The following CYFIP1 variants were observed in gnomAD, a reference collection of about 807,000 sequenced individuals.
The protein encoded by CYFIP1 is cytoplasmic FMR1-interacting protein 1.
In CYFIP1, 58 loss-of-function variants were observed where a neutral mutation model predicts 163.5. The ratio of observed to expected loss-of-function variants is 0.35; its 90% confidence interval spans 0.29 to 0.44. The LOEUF is 0.44. CYFIP1 is among the 20% of genes least tolerant of loss of function. CYFIP1 has a pLI of 1.00. For missense variants in CYFIP1, 1,338 were observed against 1,653.8 expected (o/e 0.81, Z 3.31); for synonymous variants, 663 against 660.7 (o/e 1.00, Z -0.05).
intron 10 of CYFIP1, among the ~76,000 whole-genome samples, 193 bp downstream of exon 10, chr15:22,933,609 C>G (rs1288614092): frequency 1.3e-5 from 2 of 152,156 alleles, no homozygotes; most frequent in Non-Finnish European, 2.9e-5. Context: ...CCACCGCGCC[C>G]GGCCTCAATT....
Position 22,917,689 on chromosome 15 carries a change from GGAC to G in CYFIP1, c.1674+96_1674+98del. ...CTTTCTCTGCCTGAGCAGGCAGCGA[GGAC>G]CTCATTTAACCCGGGCCTCACCAGC... On this transcript the variant is annotated intron_variant, in intron 15 of 30. Transcript: ENST00000617928. The surrounding 1 kb of genome is among the most constrained non-coding windows in gnomAD (Gnocchi z 4.2). 1 of 1,373,472 alleles carries G rather than the reference GGAC, an allele frequency of 7.3e-7. No homozygotes were observed. The highest frequency in any genetic ancestry group is 2.7e-5 in the East Asian group (1 of 37,670). The allele number at this position is 1,373,472 out of a possible 1,614,324, so 85.1% of individuals were successfully genotyped here.
intron 23 of CYFIP1, among the ~76,000 whole-genome samples, chr15:22,884,059 C>T (rs1031750537): frequency 9.9e-5 from 15 of 152,130 alleles, no homozygotes; most frequent in African/African-American, 3.4e-4. Context: ...AACCAGTCAA[C>T]TCCCACCAGC....
rs377238316 is a variant in CYFIP1 at position 22,882,370 on chromosome 15, C to A, written c.2821-434G>T. ...GCTGCCACATGTTTTGGGACAGAGT[C>A]CCCAGCGGGTCCTGGAAGGACCTGT... On this transcript the variant is annotated intron_variant, in intron 24 of 30. Coordinates refer to ENST00000617928, the MANE Select transcript of CYFIP1 (RefSeq NM_014608.6). Among the ~76,000 whole-genome samples, 8 of 152,356 alleles carry A rather than the reference C, an allele frequency of 5.3e-5. No homozygotes were observed. In the East Asian group the frequency reaches 1.5e-3, roughly 29 times the overall value.
Position 22,905,878 on chromosome 15 carries a change from G to A in CYFIP1, c.2389-1973C>T, listed in dbSNP as rs751399951. 4.7e-4 allele frequency among the ~76,000 whole-genome samples: 71 copies of A among 151,596 alleles called. 1 individual carries two copies. Among genetic ancestry groups the A allele is most frequent in the Admixed American group, 4.2e-3 (64 of 15,212 alleles). ...GGGTTCCTGCCATTCTCCTGCCTCA[G>A]CCTCCCGAGTAAGCTGGGACTACAG... On this transcript the variant is annotated intron_variant, in intron 21 of 30. Coordinates refer to ENST00000617928, the MANE Select transcript of CYFIP1 (RefSeq NM_014608.6).
rs751205085 is a variant in CYFIP1, at chr15:22,978,223, G to A, written c.-7+2064C>T. Among the ~76,000 whole-genome samples, 10 of 151,536 alleles carry A rather than the reference G, an allele frequency of 6.6e-5. No homozygotes were observed. In the East Asian group the frequency reaches 1.4e-3, roughly 21 times the overall value. The stretch of plus-strand genomic sequence containing the variant: ...AAAAATTAGCCGGGTGTGGTGGTGC[G>A]TGCCTGTAATCCCAGCTACTCAGGG... On this transcript the variant is annotated intron_variant, in intron 1 of 30. Transcript: ENST00000617928.
rs184217537 is a variant in CYFIP1 at position 22,931,973 on chromosome 15, A to T, written c.1110+250T>A. ...TCCATAGGTGTGTGGCCTAGGAGCC[A>T]TCCGCTGTACCCTGCAGCCTAGCTG... On this transcript the variant is annotated intron_variant, in intron 11 of 30. Coordinates refer to ENST00000617928, the MANE Select transcript of CYFIP1 (RefSeq NM_014608.6). Among the ~76,000 whole-genome samples the T allele has an allele frequency of 4.0e-3, 614 of 152,296 alleles. 4 individuals are homozygous for T. Among genetic ancestry groups the T allele is most frequent in the African/African-American group, 0.014 (571 of 41,572 alleles).
rs1322912922 is a variant in CYFIP1 at position 22,870,114 on chromosome 15, G to C, written c.3676C>G (p.Leu1226Val). Residue 1226 changes from leucine to valine, a missense_variant, in exon 31 of 31, where the codon CTG (leucine) becomes GTG (valine). By Grantham distance (32) the Leu-to-Val change is conservative. This residue lies in a region of CYFIP1 where 306 missense variants were observed against 322.1 expected (regional missense o/e 0.95). Transcript: ENST00000617928. The stretch of plus-strand genomic sequence containing the variant: ...GTGCCCTCCCCGTCGCCTGACTTCA[G>C]GTACTTATCCAGGATGGTGATGATC... ...DEIITILDKYLKSGDGEGTPV... is the reference protein window; with the variant it reads ...DEIITILDKYVKSGDGEGTPV... 7 of 1,612,974 alleles carry C rather than the reference G, an allele frequency of 4.3e-6. No individual in the cohort carries two copies. Among genetic ancestry groups the C allele is most frequent in the Middle Eastern group, 1.6e-4 (1 of 6,082 alleles).
Position 22,939,040 on chromosome 15 carries a change from G to T in CYFIP1, c.795+152C>A. 4.6e-6 allele frequency: 4 copies of T among 877,822 alleles called. No homozygotes were observed. In the South Asian group the frequency reaches 6.6e-5, roughly 14 times the overall value. The allele number at this position is 877,822 out of a possible 1,614,324, so 54.4% of individuals were successfully genotyped here. On this transcript the variant is annotated intron_variant, in intron 8 of 30. Coordinates refer to ENST00000617928, the MANE Select transcript of CYFIP1 (RefSeq NM_014608.6). ...ATGGGGTGTGTTGAGAGCCTGTTGT[G>T]CAGGCTGTGTGCAAGGGCAGGACGC...
rs945175812 is a variant in CYFIP1, at chr15:22,873,684, G to A, written c.3256C>T (p.Leu1086Phe). The change falls in exon 29 of 31, where the codon CTC becomes TTC. Residue 1086 changes from leucine (L) to phenylalanine (F), a missense_variant. This residue lies in a region of CYFIP1 where 306 missense variants were observed against 322.1 expected (regional missense o/e 0.95). Coordinates refer to ENST00000617928, the MANE Select transcript of CYFIP1 (RefSeq NM_014608.6). ...TCAAACATGGACAGGCCGCAGCAGA[G>A]GCGCTCCTTTGTCAGCAGGTCCCCC... ...REGDLLTKER[L>F]CCGLSMFEVI... The A allele has an allele frequency of 1.2e-6, 2 of 1,613,996 alleles. No individual in the cohort carries two copies. Among genetic ancestry groups the A allele is most frequent in the African/African-American group, 2.7e-5 (2 of 74,944 alleles).
rs2060200898 is a variant in CYFIP1, at chr15:22,895,080, T to A, written c.2589-2103A>T. 2.0e-5 allele frequency among the ~76,000 whole-genome samples: 3 copies of A among 151,266 alleles called. 1 individual carries two copies. In the South Asian group the frequency reaches 6.3e-4, roughly 32 times the overall value. On this transcript the variant is annotated intron_variant, in intron 22 of 30. Transcript: ENST00000617928. ...CCCAGGCTGGAGTGCAGTGGCGTGA[T>A]CTTGGCTCACTGTAAGCTCCGCCTC...
chr15:22,939,541 A>G, intron 6 of CYFIP1, 34 bp from the exon 7 acceptor site: 1 of 936,732 alleles, frequency 1.1e-6, no homozygotes, highest in Admixed American at 2.3e-5. Context: ...CCCAAAATGC[A>G]CCAACGTGCC....
At chr15:22,873,111 G>A in intron 29 of CYFIP1, 139 bp from the exon 30 acceptor site, 1 of 932,968 alleles carries the variant, frequency 1.1e-6, no homozygotes, top group Non-Finnish European at 1.5e-6. Flanking sequence ...CAGCCAGGAA[G>A]AGAATGCCGG....
At chr15:22,972,629 G>A (rs1278448881) in intron 1 of CYFIP1, among the ~76,000 whole-genome samples, 3 of 152,080 alleles carry the variant, frequency 2.0e-5, no homozygotes, top group Non-Finnish European at 4.4e-5. Context: ...TTCAATAAAC[G>A]GTGTTGAGAA....
At position 22,916,677 on chromosome 15, in the gene CYFIP1, A is replaced by T. The variant is rs372419703; in HGVS notation, c.1675-47T>A. ...TTGTGGGGGAGAAAATATACATGGT[A>T]CATTAGTTATGCCAAACTCAAAAAG... On this transcript the variant is annotated intron_variant, in intron 15 of 30. Coordinates refer to ENST00000617928, the MANE Select transcript of CYFIP1 (RefSeq NM_014608.6). The T allele has an allele frequency of 3.8e-5, 61 of 1,614,154 alleles. No homozygotes were observed. In the African/African-American group the frequency reaches 7.7e-4, roughly 20 times the overall value.
chr15:22,909,630 G>A (rs1297277487), intron 20 of CYFIP1, among the ~76,000 whole-genome samples: 5 of 152,148 alleles, frequency 3.3e-5, no homozygotes. Context: ...GATTATTCGT[G>A]TATAGAGAGT....
chr15:22,878,174 G>A (rs1276485301), intron 26 of CYFIP1, among the ~76,000 whole-genome samples: 1 of 152,214 alleles, frequency 6.6e-6, no homozygotes, highest in African/African-American at 2.4e-5. Context: ...AATACGCTTC[G>A]CCAGGGTATG....
intron 22 of CYFIP1, among the ~76,000 whole-genome samples, chr15:22,893,435 TA>T (rs1595533072): frequency 6.6e-6 from 1 of 152,208 alleles, no homozygotes; most frequent in African/African-American, 2.4e-5. Context: ...GATAATGGAT[TA>T]GGGGACACTT....
Position 22,927,901 on chromosome 15 carries a change from C to G in CYFIP1, c.1233+5G>C, listed in dbSNP as rs2061408419. 1 of 1,600,690 alleles carries G rather than the reference C, an allele frequency of 6.2e-7. No homozygotes were observed. On this transcript the variant is annotated splice_donor_5th_base_variant and intron_variant, in intron 12 of 30. Transcript: ENST00000617928. ...AGCGGGGCTGGGGTCGGGGACGGGG[C>G]CTACCACTTCCATCACGTGCGCGCT...
chr15:22,933,689 CA>C, intron 10 of CYFIP1, 112 bp downstream of exon 10: 1 of 739,870 alleles, frequency 1.4e-6, no homozygotes, highest in Non-Finnish European at 2.3e-6. Flanking sequence ...CATTTAATTC[CA>C]GGCTGAGAAT....
Sources: allele counts gnomAD v4.1 joint callset (sites outside exome capture counted in the v4.1 genomes callset), GRCh38; gene constraint gnomAD v4.1.1; regional missense constraint gnomAD v4.1.1; non-coding constraint Gnocchi (gnomAD v3.1); transcripts MANE v1.5; gene names NCBI Gene and HGNC (gene_info 2026-07-23, HGNC 2026-07-21).